DNAJA3: variants seen among roughly 807,000 people sequenced by gnomAD.
The protein encoded by DNAJA3 is DnaJ heat shock protein family (Hsp40) member A3.
Under a neutral mutation model 54.9 loss-of-function variants are expected in DNAJA3, and 29 were observed. That is an observed-to-expected ratio of 0.53 (90% confidence interval 0.39 to 0.72). The LOEUF (loss-of-function observed/expected upper bound fraction) is 0.72, where lower values mean the gene tolerates loss of function less well. Ranked by LOEUF, DNAJA3 falls within the 30% of genes least tolerant of loss-of-function variation. The probability of loss-of-function intolerance (pLI) is 0.00; values close to 1 mark genes in which losing one functional copy is unlikely to be tolerated. For missense variants in DNAJA3, 708 were observed against 639.4 expected (o/e 1.11, Z -1.16); for synonymous variants, 302 against 251.4 (o/e 1.20, Z -1.90).
chr16:4,434,022 TG>T, intron 1 of DNAJA3: 1 of 274,302 alleles, frequency 3.6e-6, no homozygotes, highest in South Asian at 4.0e-5. Context: ...TCAGCACGGC[TG>T]GGGAGGCCTC....
chr16:4,449,036 C>G (rs542253501), intron 9 of DNAJA3, among the ~76,000 whole-genome samples, 188 bp downstream of exon 9: 2 of 152,034 alleles, frequency 1.3e-5, no homozygotes, highest in African/African-American at 2.4e-5. Context: ...TCGCTGTGTC[C>G]CCCAGGCTGG....
At chr16:4,454,188 AC>A (rs1379935780) in intron 10 of DNAJA3, among the ~76,000 whole-genome samples, 1 of 152,050 alleles carries the variant, frequency 6.6e-6, no homozygotes, top group African/African-American at 2.4e-5. Flanking sequence ...CGTGGCCGTG[AC>A]TCCCACATGG....
Position 4,444,644 on chromosome 16 carries a change from C to T in DNAJA3, c.932-20C>T. 3.1e-6 allele frequency: 5 copies of T among 1,613,280 alleles called. No homozygotes were observed. The highest frequency in any genetic ancestry group is 4.2e-6 in the Non-Finnish European group (5 of 1,179,270). On this transcript the variant is annotated intron_variant, in intron 6 of 11. Transcript: ENST00000262375. Reference sequence around the variant, plus strand: ...CCACCGCGTCCTGCCTAACTTCTCCCTTTCTAATGTCCCTTGTAGGAGTCG... The same window carrying T: ...CCACCGCGTCCTGCCTAACTTCTCCTTTTCTAATGTCCCTTGTAGGAGTCG...
Position 4,425,880 on chromosome 16 carries a change from A to T in DNAJA3, c.-2A>T. The T allele has an allele frequency of 6.5e-7, 1 of 1,529,840 alleles. No homozygotes were observed. The highest frequency in any genetic ancestry group is 8.8e-7 in the Non-Finnish European group (1 of 1,140,902). 94.8% of individuals were successfully genotyped at this position (1,529,840 alleles called of 1,614,324 possible). ...GCGCAGGCGCAGAGTCCCCGGGCCA[A>T]GATGGCTGCGCGGTGCTCCACACGC... is the stretch of plus-strand genomic sequence containing the variant. On this transcript the variant is annotated 5_prime_UTR_variant, in exon 1 of 12. The change creates a new upstream start codon in the 5' untranslated region. Coordinates refer to ENST00000262375, the MANE Select transcript of DNAJA3 (RefSeq NM_005147.6).
chr16:4,430,555 C>G (rs1473772146), intron 1 of DNAJA3: 1 of 147,584 alleles, frequency 6.8e-6, no homozygotes, highest in African/African-American at 2.5e-5. Flanking sequence ...AAGAGCCAAA[C>G]TCCCTGTCAA....
At chr16:4,441,195 T>A in intron 3 of DNAJA3, 180 bp from the exon 4 acceptor site, 1 of 600,576 alleles carries the variant, frequency 1.7e-6, no homozygotes, top group Middle Eastern at 4.5e-4. Flanking sequence ...TAGCATTCAG[T>A]TTGGTCATCT....
chr16:4,426,615 T>A (rs1175675515), intron 1 of DNAJA3, among the ~76,000 whole-genome samples: 2 of 152,230 alleles, frequency 1.3e-5, no homozygotes, highest in Non-Finnish European at 2.9e-5. Context: ...TTACGCTCTT[T>A]CTACCACGTG....
Position 4,443,127 on chromosome 16 carries a change from C to T in DNAJA3, c.894C>T (p.Ala298=). The change falls in exon 6 of 12, where the codon GCC becomes GCT. Residue 298 remains alanine (A), a synonymous_variant. Transcript: ENST00000262375. ...TGGTCTGCAGGGGAGCAGGACAAGCCAAGCAGAAAAAGCGAGTGATGATCC... is the reference window on the plus strand; with the variant it reads ...TGGTCTGCAGGGGAGCAGGACAAGCTAAGCAGAAAAAGCGAGTGATGATCC... ...PCVVCRGAGQ[A]KQKKRVMIPV... The T allele has an allele frequency of 6.2e-7, 1 of 1,613,964 alleles. No homozygotes were observed. The highest frequency in any genetic ancestry group is 8.5e-7 in the Non-Finnish European group (1 of 1,180,004).
At chr16:4,442,960 G>A in intron 5 of DNAJA3, 57 bp from the exon 6 acceptor site, 3 of 1,580,834 alleles carry the variant, frequency 1.9e-6, no homozygotes, top group Non-Finnish European at 1.7e-6. Context: ...TGTGGTCCCA[G>A]AACCACCCAT....
At chr16:4,450,351 C>T (rs776939194) in intron 9 of DNAJA3, 49 bp from the exon 10 acceptor site, 2 of 1,511,194 alleles carry the variant, frequency 1.3e-6, no homozygotes, top group Non-Finnish European at 8.9e-7. Context: ...GAGTTCTTTC[C>T]AAAGCTTCCC....
chr16:4,450,594 G>T, intron 10 of DNAJA3, 97 bp downstream of exon 10: 1 of 944,958 alleles, frequency 1.1e-6, no homozygotes, highest in South Asian at 1.8e-5. Context: ...TCCACTTCGG[G>T]TTCTTCATGA....
At chr16:4,441,099 A>G (rs2056831167) in intron 3 of DNAJA3, 1 of 516,302 alleles carries the variant, frequency 1.9e-6, no homozygotes, top group African/African-American at 1.9e-5. Context: ...TGTGAGGTCA[A>G]GCGAGGATCA....
chr16:4,450,137 T>G, intron 9 of DNAJA3: 1 of 408,002 alleles, frequency 2.5e-6, no homozygotes, highest in East Asian at 3.8e-5. Context: ...TAAAATCTGT[T>G]TCCCCTCCTG....
chr16:4,450,293 G>T, intron 9 of DNAJA3, 107 bp from the exon 10 acceptor site: 2 of 846,166 alleles, frequency 2.4e-6, no homozygotes, highest in Admixed American at 4.7e-5. Flanking sequence ...CCCCTGCCAA[G>T]GTTGGGTCCC....
chr16:4,454,965 C>T (rs1217042332), intron 11 of DNAJA3, 38 bp downstream of exon 11: 1 of 1,366,954 alleles, frequency 7.3e-7, no homozygotes, highest in Non-Finnish European at 1.0e-6. Context: ...CCTTTGTTTT[C>T]CTCTGTGAAC....
Position 4,455,908 on chromosome 16 carries a change from C to T in DNAJA3, c.*376C>T, listed in dbSNP as rs2057030144. The T allele has an allele frequency of 2.4e-6, 1 of 419,962 alleles. No homozygotes were observed. Among genetic ancestry groups the T allele is most frequent in the African/African-American group, 2.0e-5 (1 of 50,926 alleles). 26.0% of individuals were successfully genotyped at this position (419,962 alleles called of 1,614,324 possible). A position where few individuals can be genotyped will look rare whatever the true frequency, so the allele number is the denominator to read the frequency against. ...CATGCTTACAGCTTAGAAATGAAGC[C>T]TTAAGCTGCATCAAGTTACGAAGTG... On this transcript the variant is annotated 3_prime_UTR_variant, in exon 12 of 12. Coordinates refer to ENST00000262375, the MANE Select transcript of DNAJA3 (RefSeq NM_005147.6).
intron 11 of DNAJA3, among the ~76,000 whole-genome samples, chr16:4,455,296 T>C (rs1330076291): frequency 6.6e-6 from 1 of 152,160 alleles, no homozygotes; most frequent in African/African-American, 2.4e-5. Context: ...CCTCACGTCC[T>C]GCCTGCTTGG....
chr16:4,448,352 C>T (rs373320261), intron 8 of DNAJA3, among the ~76,000 whole-genome samples: 3 of 150,674 alleles, frequency 2.0e-5, no homozygotes, highest in Admixed American at 6.6e-5. Context: ...CCTCCACCAC[C>T]GCTCTGCCGA....
chr16:4,450,347 T>G, intron 9 of DNAJA3, 53 bp from the exon 10 acceptor site: 3 of 1,492,576 alleles, frequency 2.0e-6, no homozygotes, highest in Non-Finnish European at 2.7e-6. Context: ...CTGTGAGTTC[T>G]TTCCAAAGCT....
Sources: allele counts gnomAD v4.1 joint callset (sites outside exome capture counted in the v4.1 genomes callset), GRCh38; gene constraint gnomAD v4.1.1; transcripts MANE v1.5; gene names NCBI Gene and HGNC (gene_info 2026-07-23, HGNC 2026-07-21).